DUS2: variants seen among roughly 807,000 people sequenced by gnomAD.
DUS2 encodes the protein dihydrouridine synthase 2, also known as tRNA-dihydrouridine(20) synthase [NAD(P)+]-like.
A neutral mutation model predicts 71.3 loss-of-function variants in DUS2; 52 were observed. The observed-to-expected ratio is 0.73, with a 90% CI of 0.58 to 0.92. DUS2 has a LOEUF of 0.92. Ranked by LOEUF, DUS2 falls within the 40% of genes least tolerant of loss-of-function variation. The pLI is 0.00. For missense variants in DUS2, 558 were observed against 622.6 expected (o/e 0.90, Z 1.10); for synonymous variants, 204 against 227.8 (o/e 0.90, Z 0.94).
chr16:68,063,672 C>G (rs1415964862), intron 8 of DUS2, among the ~76,000 whole-genome samples: 1 of 152,054 alleles, frequency 6.6e-6, no homozygotes, highest in African/African-American at 2.4e-5. Flanking sequence ...CCAGGTAACT[C>G]TGATATATGC....
intron 7 of DUS2, among the ~76,000 whole-genome samples, chr16:68,060,480 A>C (rs1178781539): frequency 6.6e-6 from 1 of 151,998 alleles, no homozygotes; most frequent in Non-Finnish European, 1.5e-5. Context: ...TGCTCGGCTA[A>C]TTTTTGTATT....
intron 1 of DUS2, chr16:68,023,879 G>A: frequency 6.0e-6 from 1 of 167,048 alleles, no homozygotes. Flanking sequence ...CTCGTCACGC[G>A]TCCCAACTTC....
chr16:68,023,707 C>A, intron 1 of DUS2: 1 of 168,492 alleles, frequency 5.9e-6, no homozygotes, highest in South Asian at 2.0e-4. Context: ...GGGCTCAACC[C>A]CTCACCCTCT....
intron 6 of DUS2, among the ~76,000 whole-genome samples, chr16:68,055,909 A>G (rs1843172753): frequency 6.6e-6 from 1 of 151,552 alleles, no homozygotes; most frequent in East Asian, 2.0e-4. Context: ...TTCTTTTGAC[A>G]TCTAAGAATT....
At position 68,078,855 on chromosome 16, in the gene DUS2, C is replaced by T. The variant is rs567343889; in HGVS notation, c.1351C>T (p.Arg451Ter). The change falls in exon 17 of 17, where the codon CGA (arginine) becomes TGA (stop). Residue 451 changes from arginine to a stop codon, truncating the protein, a stop_gained. Transcript: ENST00000565263. LOFTEE classifies it high-confidence loss of function. ...LGEESPSLHK[R>*]KREAPDQDPG... Reference sequence around the variant, plus strand: ...TGAGGAGAGCCCTTCCTTGCACAAGCGAAAGAGGGAGGCTCCTGACCAAGA... The same window carrying T: ...TGAGGAGAGCCCTTCCTTGCACAAGTGAAAGAGGGAGGCTCCTGACCAAGA... The T allele has an allele frequency of 2.5e-5, 40 of 1,613,846 alleles. No individual in the cohort carries two copies. The highest frequency in any genetic ancestry group is 9.9e-5 in the South Asian group (9 of 91,078).
At chr16:68,069,116 C>T (rs936909522) in intron 10 of DUS2, among the ~76,000 whole-genome samples, 3 of 151,904 alleles carry the variant, frequency 2.0e-5, no homozygotes, top group Admixed American at 6.6e-5. Flanking sequence ...GGCCCGGGCG[C>T]GGTGGCTAAC....
At chr16:68,035,950 A>G (rs2033519097) in intron 2 of DUS2, among the ~76,000 whole-genome samples, 3 of 141,764 alleles carry the variant, frequency 2.1e-5, no homozygotes, top group African/African-American at 8.1e-5. Flanking sequence ...ATACACATAT[A>G]TATACACACA....
intron 13 of DUS2, 118 bp from the exon 14 acceptor site, chr16:68,075,223 ATGGCCAGGCCCCGG>A: frequency 1.2e-6 from 1 of 825,024 alleles, no homozygotes; most frequent in East Asian, 3.0e-5. Context: ...GCACATTCTG[ATGGCCAGGCCCCGG>A]TGGTGTTTTG....
chr16:68,057,263 A>AAGAG (rs58932460), intron 7 of DUS2, among the ~76,000 whole-genome samples: 3 of 144,204 alleles, frequency 2.1e-5, no homozygotes, highest in South Asian at 2.1e-4. Flanking sequence ...GAGAGAGAGA[A>AAGAG]AGAGAGAGAG....
intron 14 of DUS2, 86 bp from the exon 15 acceptor site, chr16:68,076,546 C>A (rs2034158731): frequency 1.0e-6 from 1 of 1,000,248 alleles, no homozygotes; most frequent in East Asian, 2.5e-5. Context: ...ATTTCTGCAG[C>A]TCCTTTCAGG....
At chr16:68,075,305 G>A in intron 13 of DUS2, 50 bp from the exon 14 acceptor site, 1 of 1,499,036 alleles carries the variant, frequency 6.7e-7, no homozygotes, top group Non-Finnish European at 8.9e-7. Flanking sequence ...CAGTACCCTG[G>A]ATGCTGGCTC....
chr16:68,043,559 A>G (rs1198837740), intron 3 of DUS2, among the ~76,000 whole-genome samples: 1 of 152,180 alleles, frequency 6.6e-6, no homozygotes, highest in Non-Finnish European at 1.5e-5. Context: ...AGTGATGGTG[A>G]ACATCTTTTT....
At chr16:68,067,033 C>G (rs1404163626) in intron 10 of DUS2, among the ~76,000 whole-genome samples, 1 of 112,970 alleles carries the variant, frequency 8.9e-6, no homozygotes, top group African/African-American at 4.0e-5. Context: ...CTCCCTCCCT[C>G]CCTCCCTTCC....
chr16:68,050,450 G>A (rs952061693), intron 4 of DUS2, among the ~76,000 whole-genome samples: 1 of 152,124 alleles, frequency 6.6e-6, no homozygotes, highest in African/African-American at 2.4e-5. Context: ...TATTTTAAAT[G>A]TGTATATTTT....
chr16:68,024,830 A>G (rs1016915273), intron 1 of DUS2, among the ~76,000 whole-genome samples: 1 of 142,314 alleles, frequency 7.0e-6, no homozygotes, highest in East Asian at 2.1e-4. Flanking sequence ...ATGGCTGGAT[A>G]CTTTTTTTTT....
chr16:68,033,873 C>T (rs996837024), intron 2 of DUS2, among the ~76,000 whole-genome samples: 1 of 151,928 alleles, frequency 6.6e-6, no homozygotes, highest in African/African-American at 2.4e-5. Context: ...CTCGAGTGAT[C>T]CACCCACCTC....
chr16:68,071,035 T>C lies in DUS2; in HGVS notation c.737T>C (p.Met246Thr). ...TCCGTGATGGTGGCCCGAGCAGCCATGTGGAACCCATCTATCTTCCTCAAG... is the reference window on the plus strand; with the variant it reads ...TCCGTGATGGTGGCCCGAGCAGCCACGTGGAACCCATCTATCTTCCTCAAG... Reference protein sequence around the residue: ...ASSVMVARAAMWNPSIFLKEG... With the variant: ...ASSVMVARAATWNPSIFLKEG... Residue 246 changes from methionine (M) to threonine (T), a missense_variant, in exon 12 of 17, where the codon ATG (methionine) becomes ACG (threonine). Physicochemically the swap from Met to Thr is moderately conservative, Grantham distance 81 (BLOSUM62 -1). Transcript: ENST00000565263. 6 of 1,614,204 alleles carry C rather than the reference T, an allele frequency of 3.7e-6. No homozygotes were observed. Among genetic ancestry groups the C allele is most frequent in the Non-Finnish European group, 5.1e-6 (6 of 1,180,040 alleles).
chr16:68,062,718 CAAA>C (rs552579994), intron 8 of DUS2, among the ~76,000 whole-genome samples: 6 of 48,710 alleles, frequency 1.2e-4, no homozygotes, highest in Admixed American at 4.4e-4. Flanking sequence ...GACTCCGTCT[CAAA>C]AAAAAAAAAA....
At chr16:68,077,146 TGGGA>T (rs1334622411) in intron 15 of DUS2, among the ~76,000 whole-genome samples, 1 of 151,670 alleles carries the variant, frequency 6.6e-6, no homozygotes, top group Non-Finnish European at 1.5e-5. Context: ...CCCAGCTACT[TGGGA>T]GGCTGAGGCA....
Sources: allele counts gnomAD v4.1 joint callset (sites outside exome capture counted in the v4.1 genomes callset), GRCh38; gene constraint gnomAD v4.1.1; transcripts MANE v1.5; gene names NCBI Gene and HGNC (gene_info 2026-07-23, HGNC 2026-07-21).